Variants in SYT14 observed in about 807,000 individuals in gnomAD.
The protein encoded by SYT14 is synaptotagmin 14.
SYT14 carries 32 observed loss-of-function variants against 74.2 expected under a neutral mutation model. That is an observed-to-expected ratio of 0.43 (90% CI 0.33 to 0.58). SYT14 has a LOEUF of 0.58. Ranked by LOEUF, SYT14 falls within the 20% of genes least tolerant of loss-of-function variation. The probability of loss-of-function intolerance (pLI) is 0.05; values close to 1 mark genes in which losing one functional copy is unlikely to be tolerated. For missense variants in SYT14, 791 were observed against 981.8 expected (o/e 0.81, Z 2.60); for synonymous variants, 298 against 337.7 (o/e 0.88, Z 1.29).
intron 2 of SYT14, among the ~76,000 whole-genome samples, chr1:209,974,837 C>T (rs918551298): frequency 6.6e-6 from 1 of 152,148 alleles, no homozygotes; most frequent in Non-Finnish European, 1.5e-5. Context: ...ATTATTCCTA[C>T]CTATGAGCAT....
intron 7 of SYT14, among the ~76,000 whole-genome samples, chr1:210,155,041 C>T (rs958440125): frequency 1.3e-5 from 2 of 152,046 alleles, no homozygotes; most frequent in Non-Finnish European, 2.9e-5. Flanking sequence ...GTTTCTCTTT[C>T]TAGTTCTGGC....
At chr1:210,075,338 G>GTTT (rs1174586080) in intron 5 of SYT14, among the ~76,000 whole-genome samples, 3 of 104,546 alleles carry the variant, frequency 2.9e-5, no homozygotes, top group Non-Finnish European at 5.4e-5. Flanking sequence ...GGTCTCGAGG[G>GTTT]TTTGTTTTTT....
At chr1:210,066,957 T>A (rs1220392882) in intron 5 of SYT14, among the ~76,000 whole-genome samples, 2 of 152,076 alleles carry the variant, frequency 1.3e-5, no homozygotes, top group Non-Finnish European at 2.9e-5. Flanking sequence ...GCTCTTATAT[T>A]TAGGTATTTA....
intron 5 of SYT14, among the ~76,000 whole-genome samples, chr1:210,036,796 G>A (rs1454564178): frequency 2.6e-5 from 4 of 152,044 alleles, no homozygotes; most frequent in Non-Finnish European, 4.4e-5. Context: ...TGATCGTGGT[G>A]TATTATATTT....
In SYT14 at chr1:209,974,020, T is replaced by G. The variant is rs1285263842; in HGVS notation, c.-486+21264T>G. ...TGCATAAATGTCTTCTTTTGAGAAG[T>G]GTCTGTTCATATCCTTCGCCCACTT... On this transcript the variant is annotated intron_variant, in intron 2 of 9. Coordinates refer to ENST00000637265, the Ensembl canonical transcript of SYT14. Among the ~76,000 whole-genome samples the G allele has an allele frequency of 7.9e-5, 12 of 152,226 alleles. 1 individual carries two copies. The East Asian group carries it at 2.3e-3, about 29-fold the overall frequency.
At chr1:209,982,905 TG>T (rs2079511741) in intron 2 of SYT14, among the ~76,000 whole-genome samples, 1 of 152,204 alleles carries the variant, frequency 6.6e-6, no homozygotes, top group African/African-American at 2.4e-5. Context: ...AGGTATGTGG[TG>T]GTGTCTCTGT....
intron 7 of SYT14, among the ~76,000 whole-genome samples, chr1:210,144,841 T>C (rs1178533719): frequency 6.6e-6 from 1 of 152,204 alleles, no homozygotes; most frequent in African/African-American, 2.4e-5. Flanking sequence ...TAACTGATTC[T>C]AACACTCTAT....
intron 2 of SYT14, among the ~76,000 whole-genome samples, chr1:209,987,966 A>G (rs575959194): frequency 2.6e-5 from 4 of 152,174 alleles, no homozygotes; most frequent in Admixed American, 2.6e-4. Context: ...TTGTACATTG[A>G]ATTTACTGAG....
chr1:210,000,466 G>GCGCACACACA (rs1553264180), intron 2 of SYT14, among the ~76,000 whole-genome samples: 51 of 143,198 alleles, frequency 3.6e-4, no homozygotes, highest in East Asian at 1.0e-3. Context: ...GTCCTCATAC[G>GCGCACACACA]CACACACACA....
At chr1:209,974,259 T>C (rs1337547396) in intron 2 of SYT14, among the ~76,000 whole-genome samples, 2 of 152,200 alleles carry the variant, frequency 1.3e-5, no homozygotes, top group Admixed American at 1.3e-4. Flanking sequence ...CCATTGCTTT[T>C]GGTGTTTTAG....
At chr1:210,129,755 T>C (rs1371122453) in intron 7 of SYT14, among the ~76,000 whole-genome samples, 1 of 152,218 alleles carries the variant, frequency 6.6e-6, no homozygotes, top group African/African-American at 2.4e-5. Context: ...AGTGTCTTTC[T>C]AATATGCTTA....
chr1:210,020,233 C>T (rs546436901), intron 4 of SYT14, among the ~76,000 whole-genome samples: 4 of 152,250 alleles, frequency 2.6e-5, no homozygotes, highest in African/African-American at 9.6e-5. Context: ...TTTTTAATGA[C>T]TGCATAATAT....
chr1:210,005,691 G>T (rs1465053178), intron 2 of SYT14, among the ~76,000 whole-genome samples: 1 of 151,958 alleles, frequency 6.6e-6, no homozygotes, highest in South Asian at 2.1e-4. Flanking sequence ...AACTTCATTA[G>T]AATCATAATT....
intron 5 of SYT14, among the ~76,000 whole-genome samples, chr1:210,030,500 A>G (rs1323319128): frequency 6.6e-6 from 1 of 152,152 alleles, no homozygotes; most frequent in African/African-American, 2.4e-5. Flanking sequence ...TGGAATCTTT[A>G]GGATTTTCTG....
rs567671182 is a variant in SYT14 at position 210,033,682 on chromosome 1, A to G, written c.1312+12428A>G. On this transcript the variant is annotated intron_variant, in intron 5 of 9. Transcript: ENST00000637265. ...AATGGATTTTGAGTCTCAGTAAGGC[A>G]GTTATTTACTATCCAGATAGTTATG... Among the ~76,000 whole-genome samples, 269 of 151,916 alleles carry G rather than the reference A, an allele frequency of 1.8e-3. 3 individuals are homozygous for G. Among genetic ancestry groups the G allele is most frequent in the African/African-American group, 6.2e-3 (259 of 41,530 alleles).
chr1:210,067,959 C>T (rs1370235836), intron 5 of SYT14, among the ~76,000 whole-genome samples: 3 of 151,792 alleles, frequency 2.0e-5, no homozygotes, highest in Non-Finnish European at 2.9e-5. Context: ...TAATAATTTA[C>T]CTCTAGCTCT....
intron 2 of SYT14, among the ~76,000 whole-genome samples, chr1:210,001,590 T>A (rs2079901439): frequency 6.6e-6 from 1 of 152,100 alleles, no homozygotes; most frequent in East Asian, 1.9e-4. Context: ...GGAAGACAGA[T>A]AACAAATGAT....
In SYT14 at chr1:210,021,024, T is replaced by C. The variant is rs779779174; in HGVS notation, c.1097-15T>C. The C allele has an allele frequency of 1.9e-5, 31 of 1,612,300 alleles. No homozygotes were observed. Among genetic ancestry groups the C allele is most frequent in the Non-Finnish European group, 2.5e-5 (30 of 1,178,528 alleles). ...TTTTTCAATTACCGTTTGTTCTTCA[T>C]GTCATTCCAAATAGATAATTCCTAC... On this transcript the variant is annotated splice_polypyrimidine_tract_variant and intron_variant, in intron 4 of 9. Transcript: ENST00000637265.
intron 7 of SYT14, among the ~76,000 whole-genome samples, chr1:210,123,705 T>TTAA (rs1195914122): frequency 6.6e-6 from 1 of 152,156 alleles, no homozygotes; most frequent in Non-Finnish European, 1.5e-5. Context: ...ATTTAAACGT[T>TTAA]TAGAGTTTTT....
Sources: gnomAD v4.1 joint callset for allele counts (sites outside exome capture counted in the v4.1 genomes callset) on GRCh38, gnomAD v4.1.1 for gene constraint, MANE v1.5 for transcripts, NCBI Gene and HGNC (gene_info 2026-07-23, HGNC 2026-07-21) for gene names.